The following SLC47A1 variants were observed in gnomAD, a reference collection of about 807,000 sequenced individuals.
SLC47A1 encodes multidrug and toxin extrusion protein 1.
A neutral mutation model predicts 65.8 loss-of-function variants in SLC47A1; 58 were observed. The observed-to-expected ratio is 0.88, with a 90% CI of 0.71 to 1.10. The LOEUF (loss-of-function observed/expected upper bound fraction) is 1.10, where lower values mean the gene tolerates loss of function less well. SLC47A1 is among the 50% of genes least tolerant of loss of function. The pLI is 0.00. For synonymous variants in SLC47A1, 285 were observed against 295.0 expected (o/e 0.97, Z 0.35); for missense variants, 706 against 719.2 (o/e 0.98, Z 0.21).
chr17:19,550,625 G>C lies in SLC47A1; in HGVS notation c.499-799G>C, dbSNP rs565948191. ...CCACCACACCTGGCCTGAGAGCTAAGTGTTTGTTATTCAGCTGGAGGCTGT... is the reference window on the plus strand; with the variant it reads ...CCACCACACCTGGCCTGAGAGCTAACTGTTTGTTATTCAGCTGGAGGCTGT... On this transcript the variant is annotated intron_variant, in intron 5 of 16. Coordinates refer to ENST00000270570, the MANE Select transcript of SLC47A1 (RefSeq NM_018242.3). Among the ~76,000 whole-genome samples the C allele has an allele frequency of 1.5e-4, 23 of 152,322 alleles. No homozygotes were observed. The South Asian group carries it at 3.1e-3, about 21-fold the overall frequency.
chr17:19,544,701 T>C (rs190592917), intron 2 of SLC47A1, among the ~76,000 whole-genome samples: 2 of 152,346 alleles, frequency 1.3e-5, no homozygotes, highest in East Asian at 3.9e-4. Context: ...ATGCTAGGTC[T>C]CCAGCAGGCG....
chr17:19,554,085 G>A (rs531418564), intron 6 of SLC47A1, among the ~76,000 whole-genome samples: 3 of 152,224 alleles, frequency 2.0e-5, no homozygotes, highest in Admixed American at 6.5e-5. Flanking sequence ...TGTGTTTATT[G>A]GCCTGTCGCA....
At chr17:19,543,095 C>T (rs1270728574) in intron 2 of SLC47A1, among the ~76,000 whole-genome samples, 3 of 142,308 alleles carry the variant, frequency 2.1e-5, no homozygotes, top group East Asian at 2.1e-4. Flanking sequence ...CCCAGCCTCA[C>T]ATCATCTTAT....
chr17:19,540,036 C>T (rs1597492755), intron 1 of SLC47A1, among the ~76,000 whole-genome samples: 1 of 152,152 alleles, frequency 6.6e-6, no homozygotes. Flanking sequence ...GCTGCGGCAG[C>T]TCTCAAAAAA....
chr17:19,557,532 AT>A (rs763668683), intron 10 of SLC47A1: 1 of 512,744 alleles, frequency 2.0e-6, no homozygotes, highest in Non-Finnish European at 3.9e-6. Flanking sequence ...TACTTGTCTG[AT>A]TATTTCTTTA....
intron 2 of SLC47A1, among the ~76,000 whole-genome samples, chr17:19,545,529 T>G (rs1184400512): frequency 6.6e-6 from 1 of 151,420 alleles, no homozygotes; most frequent in African/African-American, 2.4e-5. Flanking sequence ...CTCACTCCAT[T>G]GCCCAGGCTA....
chr17:19,571,185 A>G (rs1252169884), intron 14 of SLC47A1, among the ~76,000 whole-genome samples: 1 of 152,014 alleles, frequency 6.6e-6, no homozygotes, highest in East Asian at 1.9e-4. Flanking sequence ...TTCAAGCATT[A>G]TAATCAGTAA....
At chr17:19,550,469 C>G (rs973638166) in intron 5 of SLC47A1, among the ~76,000 whole-genome samples, 1 of 152,208 alleles carries the variant, frequency 6.6e-6, no homozygotes, top group Non-Finnish European at 1.5e-5. Context: ...GTGCACACCA[C>G]CACGCCCAGC....
intron 6 of SLC47A1, among the ~76,000 whole-genome samples, chr17:19,554,520 C>T (rs1227074507): frequency 2.0e-5 from 3 of 152,200 alleles, no homozygotes; most frequent in Non-Finnish European, 4.4e-5. Context: ...TCAGAAAGCA[C>T]TCGTCATTCC....
At chr17:19,554,054 G>A (rs1309354537) in intron 6 of SLC47A1, among the ~76,000 whole-genome samples, 1 of 152,236 alleles carries the variant, frequency 6.6e-6, no homozygotes, top group Non-Finnish European at 1.5e-5. Flanking sequence ...AGACAGGACT[G>A]TAGGCCAGTG....
At chr17:19,564,618 T>G in intron 12 of SLC47A1, 2 of 152,368 alleles carry the variant, frequency 1.3e-5, no homozygotes, top group South Asian at 4.1e-4. Flanking sequence ...TTTTTGACCA[T>G]GTGCATGTTA....
intron 14 of SLC47A1, among the ~76,000 whole-genome samples, chr17:19,569,370 TAA>T (rs10716891): frequency 4.1e-5 from 6 of 147,094 alleles, no homozygotes; most frequent in East Asian, 2.0e-4. Flanking sequence ...GACTCTACCT[TAA>T]AAAAAAAAAG....
chr17:19,536,253 C>CAATAATCAT (rs1915984439), intron 1 of SLC47A1, among the ~76,000 whole-genome samples: 1 of 145,516 alleles, frequency 6.9e-6, no homozygotes. Flanking sequence ...AATAGTATAG[C>CAATAATCAT]AATAATAATA....
rs1166942602 is a variant in SLC47A1 at position 19,534,682 on chromosome 17, C to T, written c.135+608C>T. 2.6e-5 allele frequency: 4 copies of T among 152,190 alleles called. No homozygotes were observed. The South Asian group carries it at 8.3e-4, about 32-fold the overall frequency. 9.4% of individuals were successfully genotyped at this position (152,190 alleles called of 1,614,324 possible). A position where few individuals can be genotyped will look rare whatever the true frequency, so the allele number is the denominator to read the frequency against. ...AACCAGAGGCATCCTGTACCACCCC[C>T]TCCCCGCCAGTAATTATGTATGTGA... On this transcript the variant is annotated intron_variant, in intron 1 of 16. Transcript: ENST00000270570.
chr17:19,560,003 T>C (rs1199149917), intron 10 of SLC47A1, 185 bp from the exon 11 acceptor site: 4 of 572,994 alleles, frequency 7.0e-6, no homozygotes, highest in Admixed American at 3.2e-5. Flanking sequence ...CATCGTAACC[T>C]GGGGCTCAGT....
At chr17:19,566,106 T>A (rs112479415) in intron 12 of SLC47A1, among the ~76,000 whole-genome samples, 7 of 152,222 alleles carry the variant, frequency 4.6e-5, no homozygotes, top group South Asian at 2.1e-4. Flanking sequence ...GTAGTGATGC[T>A]GGCATGTGGT....
chr17:19,547,437 T>C (rs1597496929), intron 3 of SLC47A1, among the ~76,000 whole-genome samples: 2 of 148,772 alleles, frequency 1.3e-5, no homozygotes, highest in Admixed American at 1.4e-4. Flanking sequence ...AAACTTTGCC[T>C]CCCTAAAAAA....
At position 19,549,686 on chromosome 17, in the gene SLC47A1, T is replaced by A; in HGVS notation, c.498+9T>A. ...TCATTCCAGCTCTTCCTGTAAGTGC[T>A]CAAGGGCTAAGAGATTCCCTTCTTG... On this transcript the variant is annotated intron_variant, in intron 5 of 16. Transcript: ENST00000270570. 1 of 1,614,168 alleles carries A rather than the reference T, an allele frequency of 6.2e-7. No homozygotes were observed. Among genetic ancestry groups the A allele is most frequent in the Non-Finnish European group, 8.5e-7 (1 of 1,179,982 alleles).
intron 14 of SLC47A1, among the ~76,000 whole-genome samples, chr17:19,567,465 A>G (rs1195217536): frequency 6.6e-6 from 1 of 152,188 alleles, no homozygotes; most frequent in Non-Finnish European, 1.5e-5. Flanking sequence ...TTCCACGCTG[A>G]CACACTTGAG....
Sources: allele counts gnomAD v4.1 joint callset (sites outside exome capture counted in the v4.1 genomes callset), GRCh38; gene constraint gnomAD v4.1.1; transcripts MANE v1.5; gene names NCBI Gene and HGNC (gene_info 2026-07-23, HGNC 2026-07-21).